Variants in NRG1 observed in about 807,000 individuals in gnomAD.
NRG1 encodes neuregulin 1.
NRG1 carries 18 observed loss-of-function variants against 63.8 expected under a neutral mutation model. The observed-to-expected ratio is 0.28, with a 90% confidence interval of 0.19 to 0.42. The LOEUF is 0.42. Ranked by LOEUF, NRG1 falls within the 10% of genes least tolerant of loss-of-function variation. NRG1 has a pLI of 1.00. For synonymous variants in NRG1, 302 were observed against 301.3 expected (o/e 1.00, Z -0.02); for missense variants, 762 against 814.7 (o/e 0.94, Z 0.79).
At chr8:31,967,871 A>T (rs895472789) in intron 1 of NRG1, among the ~76,000 whole-genome samples, 1 of 152,176 alleles carries the variant, frequency 6.6e-6, no homozygotes, top group Non-Finnish European at 1.5e-5. Context: ...CGTCTTGGAG[A>T]CACTGGTCAT....
At chr8:32,584,397 G>T (rs1254690001) in intron 1 of NRG1, among the ~76,000 whole-genome samples, 1 of 152,154 alleles carries the variant, frequency 6.6e-6, no homozygotes, top group African/African-American at 2.4e-5. Flanking sequence ...CTGCTTAAGA[G>T]TGCAAGGAGG....
chr8:32,070,021 A>T (rs1209757999), intron 1 of NRG1, among the ~76,000 whole-genome samples: 2 of 152,194 alleles, frequency 1.3e-5, no homozygotes, highest in African/African-American at 4.8e-5. Context: ...TAGCCCTGTG[A>T]ATCTACTCAA....
At chr8:32,093,478 T>A (rs529650840) in intron 1 of NRG1, among the ~76,000 whole-genome samples, 1 of 152,338 alleles carries the variant, frequency 6.6e-6, no homozygotes, top group Non-Finnish European at 1.5e-5. Flanking sequence ...AAATTTCATG[T>A]GGCAAGTGCT....
At chr8:32,171,339 C>G (rs1840009737) in intron 1 of NRG1, 1 of 152,172 alleles carries the variant, frequency 6.6e-6, no homozygotes, top group Non-Finnish European at 1.5e-5. Flanking sequence ...AACCCGTCAT[C>G]TAGGTTTTAA....
chr8:32,301,302 G>A (rs1855539491), intron 1 of NRG1, among the ~76,000 whole-genome samples: 1 of 152,098 alleles, frequency 6.6e-6, no homozygotes, highest in South Asian at 2.1e-4. Context: ...CACAATCTCT[G>A]ATTCAGGAAA....
intron 1 of NRG1, among the ~76,000 whole-genome samples, chr8:31,782,575 A>G (rs1031978117): frequency 6.6e-6 from 1 of 152,210 alleles, no homozygotes; most frequent in African/African-American, 2.4e-5. Flanking sequence ...TGAATAAATG[A>G]TTAGCCTTTA....
chr8:32,295,000 T>A (rs1006499099), intron 1 of NRG1, among the ~76,000 whole-genome samples: 36 of 152,168 alleles, frequency 2.4e-4, no homozygotes, highest in Non-Finnish European at 2.1e-4. Context: ...AAATGGATTA[T>A]TTACAATCCT....
chr8:32,183,968 A>C (rs1239262059), intron 1 of NRG1, among the ~76,000 whole-genome samples: 1 of 152,134 alleles, frequency 6.6e-6, no homozygotes. Context: ...TGTTGATTCA[A>C]GTCATTATTT....
intron 11 of NRG1, among the ~76,000 whole-genome samples, chr8:32,761,540 G>A (rs1358941359): frequency 1.3e-5 from 2 of 151,090 alleles, no homozygotes; most frequent in South Asian, 2.1e-4. Context: ...GCTATTACCT[G>A]TTTGTTTGCA....
At chr8:32,289,890 C>T (rs1853987806) in intron 1 of NRG1, among the ~76,000 whole-genome samples, 1 of 152,088 alleles carries the variant, frequency 6.6e-6, no homozygotes, top group South Asian at 2.1e-4. Context: ...AAATTGGAAG[C>T]ACAATTCTAA....
At chr8:31,994,800 G>GT (rs1811700531) in intron 1 of NRG1, among the ~76,000 whole-genome samples, 1 of 151,310 alleles carries the variant, frequency 6.6e-6, no homozygotes, top group Non-Finnish European at 1.5e-5. Context: ...ATTCTTTTGG[G>GT]TAAAAAAAAT....
At chr8:32,361,201 T>C (rs1807160696) in intron 1 of NRG1, among the ~76,000 whole-genome samples, 1 of 152,152 alleles carries the variant, frequency 6.6e-6, no homozygotes, top group Admixed American at 6.5e-5. Flanking sequence ...CAGCTACCCA[T>C]GTACCTTCAT....
chr8:32,004,169 A>C (rs1813376459), intron 1 of NRG1, among the ~76,000 whole-genome samples: 1 of 151,938 alleles, frequency 6.6e-6, no homozygotes, highest in Non-Finnish European at 1.5e-5. Context: ...ACCTTCTGGG[A>C]AAGGGAAGAC....
At chr8:32,301,690 G>A (rs1483038226) in intron 1 of NRG1, among the ~76,000 whole-genome samples, 1 of 152,154 alleles carries the variant, frequency 6.6e-6, no homozygotes, top group Non-Finnish European at 1.5e-5. Context: ...CAAAAAGAGA[G>A]CTTGTGCAGA....
intron 1 of NRG1, among the ~76,000 whole-genome samples, chr8:32,550,822 C>T (rs1012125317): frequency 6.6e-6 from 1 of 152,208 alleles, no homozygotes; most frequent in Admixed American, 6.5e-5. Context: ...GTGACATTTG[C>T]TTAACTGTCT....
chr8:31,873,819 G>A (rs767441491), intron 1 of NRG1, among the ~76,000 whole-genome samples: 5 of 152,112 alleles, frequency 3.3e-5, no homozygotes, highest in African/African-American at 9.7e-5. Flanking sequence ...TTCCCAAAGT[G>A]GCAGAATATT....
At chr8:32,128,983 CAA>C (rs1472507494) in intron 1 of NRG1, among the ~76,000 whole-genome samples, 1 of 151,932 alleles carries the variant, frequency 6.6e-6, no homozygotes, top group African/African-American at 2.4e-5. Context: ...AATTTCAGCA[CAA>C]AGTCACTTAC....
intron 1 of NRG1, among the ~76,000 whole-genome samples, chr8:32,018,773 A>C (rs987933211): frequency 6.6e-6 from 1 of 152,210 alleles, no homozygotes; most frequent in African/African-American, 2.4e-5. Context: ...ATAGAAGTGG[A>C]ATTGCTATAG....
At chr8:32,443,400 A>G (rs1040438553) in intron 1 of NRG1, among the ~76,000 whole-genome samples, 3 of 152,218 alleles carry the variant, frequency 2.0e-5, no homozygotes, top group East Asian at 3.8e-4. Flanking sequence ...GCAAAGGACT[A>G]GAAGCATAAG....
Sources: allele counts gnomAD v4.1 joint callset (sites outside exome capture counted in the v4.1 genomes callset), GRCh38; gene constraint gnomAD v4.1.1; transcripts MANE v1.5; gene names NCBI Gene and HGNC (gene_info 2026-07-23, HGNC 2026-07-21).